CPEB3: variants seen among roughly 807,000 people sequenced by gnomAD.
CPEB3 encodes the protein cytoplasmic polyadenylation element binding protein 3.
CPEB3 carries 20 observed loss-of-function variants against 67.2 expected under a neutral mutation model. The observed-to-expected ratio is 0.30, with a 90% CI of 0.21 to 0.43. The LOEUF (loss-of-function observed/expected upper bound fraction) is 0.43, where lower values mean the gene tolerates loss of function less well. Among genes scored for constraint, CPEB3 ranks in the 20% least tolerant of loss-of-function variants. CPEB3 has a pLI of 1.00. For synonymous variants in CPEB3, 376 were observed against 393.1 expected (o/e 0.96, Z 0.51); for missense variants, 746 against 968.6 (o/e 0.77, Z 3.05).
intron 4 of CPEB3, among the ~76,000 whole-genome samples, chr10:92,154,232 C>T (rs1235565119): frequency 6.6e-6 from 1 of 152,184 alleles, no homozygotes; most frequent in East Asian, 1.9e-4. Context: ...AGGCAGAACA[C>T]TCCCAAAGAA....
At chr10:92,279,393 T>A (rs1335139980) in intron 1 of CPEB3, among the ~76,000 whole-genome samples, 1 of 152,252 alleles carries the variant, frequency 6.6e-6, no homozygotes, top group African/African-American at 2.4e-5. Flanking sequence ...TTCCTATTTG[T>A]TTGAGTTCTG....
intron 2 of CPEB3, among the ~76,000 whole-genome samples, chr10:92,235,812 T>C (rs1476135708): frequency 6.6e-6 from 1 of 152,240 alleles, no homozygotes; most frequent in Non-Finnish European, 1.5e-5. Context: ...TTTGATTTTA[T>C]CCTCTGTAAA....
At chr10:92,150,170 T>C (rs1001170714) in intron 4 of CPEB3, among the ~76,000 whole-genome samples, 2 of 152,104 alleles carry the variant, frequency 1.3e-5, no homozygotes, top group African/African-American at 2.4e-5. Flanking sequence ...TCATACTACG[T>C]AGGATTATTC....
At chr10:92,177,932 A>G (rs1358949571) in intron 4 of CPEB3, among the ~76,000 whole-genome samples, 1 of 152,190 alleles carries the variant, frequency 6.6e-6, no homozygotes, top group Non-Finnish European at 1.5e-5. Context: ...CTTTCCATAG[A>G]GACCTAGGAA....
At chr10:92,157,575 G>A (rs1211166969) in intron 4 of CPEB3, among the ~76,000 whole-genome samples, 1 of 152,102 alleles carries the variant, frequency 6.6e-6, no homozygotes, top group Non-Finnish European at 1.5e-5. Context: ...GTCCAAGCAA[G>A]TGAGAGGCTC....
chr10:92,202,878 G>A lies in CPEB3; in HGVS notation c.1006-10242C>T, dbSNP rs947752413. Among the ~76,000 whole-genome samples, 8 of 151,434 alleles carry A rather than the reference G, an allele frequency of 5.3e-5. No individual in the cohort carries two copies. In the East Asian group the frequency reaches 1.5e-3, roughly 29 times the overall value. On this transcript the variant is annotated intron_variant, in intron 2 of 9. Coordinates refer to ENST00000265997, the MANE Select transcript of CPEB3 (RefSeq NM_014912.5). ...ATTTTAAGAGTGAACTTCATGATAT[G>A]TGAATTATATCTCAATAAATCTATT...
At chr10:92,276,524 C>G (rs1046130859) in intron 1 of CPEB3, among the ~76,000 whole-genome samples, 4 of 152,128 alleles carry the variant, frequency 2.6e-5, no homozygotes, top group Non-Finnish European at 5.9e-5. Flanking sequence ...AGTGATCCAC[C>G]TGCCTTGGCC....
At chr10:92,089,944 CA>C (rs1486471022) in intron 8 of CPEB3, among the ~76,000 whole-genome samples, 5 of 152,102 alleles carry the variant, frequency 3.3e-5, no homozygotes, top group Non-Finnish European at 7.4e-5. Context: ...ATTTCATGCC[CA>C]GGGGTTCACT....
chr10:92,178,410 C>T (rs1360823886), intron 4 of CPEB3, among the ~76,000 whole-genome samples: 10 of 152,236 alleles, frequency 6.6e-5, no homozygotes, highest in African/African-American at 2.2e-4. Context: ...CTGCCCACCT[C>T]GGCCTCTCAA....
intron 2 of CPEB3, among the ~76,000 whole-genome samples, chr10:92,230,220 C>T (rs1002398799): frequency 1.1e-4 from 16 of 152,226 alleles, no homozygotes; most frequent in African/African-American, 3.9e-4. Flanking sequence ...TGGCATTGAC[C>T]ATTTAATTAG....
intron 6 of CPEB3, among the ~76,000 whole-genome samples, chr10:92,142,333 T>C (rs1274933994): frequency 6.6e-6 from 1 of 152,236 alleles, no homozygotes; most frequent in Non-Finnish European, 1.5e-5. Context: ...ATCTACAGAA[T>C]GTAACACAAA....
chr10:92,286,602 C>A (rs974023772), intron 1 of CPEB3, among the ~76,000 whole-genome samples: 24 of 144,656 alleles, frequency 1.7e-4, no homozygotes, highest in African/African-American at 4.6e-4. Context: ...AAAAAAAAAA[C>A]ATAGGTATAG....
chr10:92,143,737 T>C (rs1031575325), intron 5 of CPEB3, among the ~76,000 whole-genome samples: 1 of 152,200 alleles, frequency 6.6e-6, no homozygotes, highest in African/African-American at 2.4e-5. Context: ...ACCTGGCTCC[T>C]ACTCAGGTTT....
chr10:92,102,260 C>T (rs964026157), intron 7 of CPEB3, among the ~76,000 whole-genome samples: 5 of 152,176 alleles, frequency 3.3e-5, no homozygotes, highest in African/African-American at 9.6e-5. Flanking sequence ...GTCAGACCTC[C>T]GTCAGGCCTC....
At chr10:92,203,451 TAC>T (rs1471072420) in intron 2 of CPEB3, among the ~76,000 whole-genome samples, 4 of 145,564 alleles carry the variant, frequency 2.7e-5, no homozygotes, top group African/African-American at 1.0e-4. Flanking sequence ...TGTATATATA[TAC>T]GTATATATGT....
chr10:92,092,234 C>T (rs1469023253), intron 7 of CPEB3, among the ~76,000 whole-genome samples: 1 of 152,120 alleles, frequency 6.6e-6, no homozygotes, highest in African/African-American at 2.4e-5. Context: ...CTTTTAGAGA[C>T]AGAGTCTGCA....
intron 7 of CPEB3, among the ~76,000 whole-genome samples, chr10:92,110,427 C>A (rs1470501152): frequency 1.3e-5 from 2 of 152,194 alleles, no homozygotes; most frequent in Non-Finnish European, 2.9e-5. Flanking sequence ...CATGATCTTG[C>A]CCCTTCTCCA....
chr10:92,289,660 G>T (rs1187679650), intron 1 of CPEB3, among the ~76,000 whole-genome samples: 2 of 136,894 alleles, frequency 1.5e-5, no homozygotes, highest in Non-Finnish European at 3.0e-5. Context: ...CGGGTGGCTC[G>T]CTTGAGCCCA....
At chr10:92,135,814 T>C (rs976510589) in intron 6 of CPEB3, among the ~76,000 whole-genome samples, 2 of 152,156 alleles carry the variant, frequency 1.3e-5, no homozygotes, top group African/African-American at 4.8e-5. Flanking sequence ...ATATACACCA[T>C]GGAATACTAT....
Sources: gnomAD v4.1 joint callset for allele counts (sites outside exome capture counted in the v4.1 genomes callset) on GRCh38, gnomAD v4.1.1 for gene constraint, MANE v1.5 for transcripts, NCBI Gene and HGNC (gene_info 2026-07-23, HGNC 2026-07-21) for gene names.